TUBGCP5: variants seen among roughly 807,000 people sequenced by gnomAD.
TUBGCP5 encodes the protein tubulin gamma complex component 5.
Under a neutral mutation model 134.7 loss-of-function variants are expected in TUBGCP5, and 98 were observed. The observed-to-expected ratio is 0.73, with a 90% confidence interval of 0.62 to 0.86. The LOEUF (loss-of-function observed/expected upper bound fraction) is 0.86, where lower values mean the gene tolerates loss of function less well. Among genes scored for constraint, TUBGCP5 ranks in the 40% least tolerant of loss-of-function variants. TUBGCP5 has a pLI of 0.00. For synonymous variants in TUBGCP5, 456 were observed against 431.4 expected (o/e 1.06, Z -0.71); for missense variants, 1,150 against 1,244.8 (o/e 0.92, Z 1.15).
intron 3 of TUBGCP5, among the ~76,000 whole-genome samples, chr15:23,035,341 A>AAAAAAAG (rs1595912303): frequency 6.7e-6 from 1 of 150,144 alleles, no homozygotes; most frequent in African/African-American, 2.5e-5. Flanking sequence ...AAAAAAAAAA[A>AAAAAAAG]GAAAAAAAGT....
At position 23,027,195 on chromosome 15, in the gene TUBGCP5, A is replaced by G; in HGVS notation, c.734T>C (p.Val245Ala). 6.2e-7 allele frequency: 1 copy of G among 1,609,436 alleles called. No homozygotes were observed. Among genetic ancestry groups the G allele is most frequent in the Non-Finnish European group, 8.5e-7 (1 of 1,176,796 alleles). ...AATGAAAACTTTAGCTTCTTACCAG[A>G]CAGCAGCTAAATTAGAGTGCAAATG... ...SLHLHSNLAA[V>A]WDQHLYSSDP... Residue 245 changes from valine to alanine, a missense_variant, in exon 7 of 23, where the codon GTC (valine) becomes GCC (alanine). This residue lies in a region of TUBGCP5 where 453 missense variants were observed against 394.7 expected (regional missense o/e 1.15). Transcript: ENST00000615383.
rs181936207 is a variant in TUBGCP5, at chr15:23,012,875, T to C, written c.1757-1544A>G. ...TAATCCCAGCACTTTAAGAGGCGGG[T>C]GGATCAGCTGAGGTCAGGAGTTCAA... On this transcript the variant is annotated intron_variant, in intron 13 of 22. Transcript: ENST00000615383. 6.3e-3 allele frequency among the ~76,000 whole-genome samples: 962 copies of C among 151,582 alleles called. 5 individuals carry two copies. The highest frequency in any genetic ancestry group is 0.02 in the Middle Eastern group (6 of 294).
At chr15:23,029,892 G>A (rs1055637726) in intron 6 of TUBGCP5, among the ~76,000 whole-genome samples, 1 of 149,248 alleles carries the variant, frequency 6.7e-6, no homozygotes, top group Admixed American at 6.7e-5. Flanking sequence ...AAAAAAGGGG[G>A]TGGGGGGGAA....
chr15:23,024,887 C>G, intron 8 of TUBGCP5, 57 bp from the exon 9 acceptor site: 1 of 1,040,268 alleles, frequency 9.6e-7, no homozygotes, highest in Non-Finnish European at 1.5e-6. Flanking sequence ...ATATTCATGA[C>G]AGTATGCCCA....
chr15:23,009,999 T>C lies in TUBGCP5; in HGVS notation c.2090A>G (p.Lys697Arg). The C allele has an allele frequency of 6.2e-7, 1 of 1,614,148 alleles. No homozygotes were observed. Among genetic ancestry groups the C allele is most frequent in the Non-Finnish European group, 8.5e-7 (1 of 1,180,008 alleles). ...LRSCLYPHIDKQYLDCCGNLM... is the reference protein window; with the variant it reads ...LRSCLYPHIDRQYLDCCGNLM... ...ATTTCCACAGCAATCTAGATACTGCTTGTCAATATGAGGATAGAGGCAGGA... is the reference window on the plus strand; with the variant it reads ...ATTTCCACAGCAATCTAGATACTGCCTGTCAATATGAGGATAGAGGCAGGA... The change falls in exon 15 of 23, where the codon AAG becomes AGG. Residue 697 changes from lysine (K) to arginine (R), a missense_variant. Transcript: ENST00000615383.
chr15:23,021,305 T>C (rs556007830), intron 11 of TUBGCP5, among the ~76,000 whole-genome samples: 4 of 152,146 alleles, frequency 2.6e-5, no homozygotes, highest in South Asian at 2.1e-4. Flanking sequence ...ATATAAAATA[T>C]ATAACATAAA....
intron 16 of TUBGCP5, among the ~76,000 whole-genome samples, chr15:23,006,911 C>T (rs112185825): frequency 0.046 from 6,985 of 152,208 alleles, 426 homozygotes; most frequent in African/African-American, 0.14. Flanking sequence ...ATTATGTGTC[C>T]TTAGCTCATT....
chr15:22,990,821 A>T (rs546652442), intron 23 of TUBGCP5, among the ~76,000 whole-genome samples: 44 of 152,316 alleles, frequency 2.9e-4, no homozygotes, highest in Admixed American at 4.6e-4. Flanking sequence ...TGTGCTTACA[A>T]GAGACACGCA....
intron 23 of TUBGCP5, among the ~76,000 whole-genome samples, chr15:22,992,806 A>G (rs2063891783): frequency 6.6e-6 from 1 of 152,156 alleles, no homozygotes; most frequent in Admixed American, 6.5e-5. Flanking sequence ...CTGACGTTAC[A>G]TGGATAGGAC....
intron 16 of TUBGCP5, among the ~76,000 whole-genome samples, chr15:23,007,439 C>T (rs1051227438): frequency 3.3e-5 from 5 of 152,160 alleles, no homozygotes; most frequent in Non-Finnish European, 7.3e-5. Context: ...TGCATTCACT[C>T]AGTGCTTAGT....
rs746301600 is a variant in TUBGCP5 at position 23,031,027 on chromosome 15, TAA to T, written c.487-9_487-8del. On this transcript the variant is annotated splice_region_variant and splice_polypyrimidine_tract_variant and intron_variant, in intron 5 of 22. Transcript: ENST00000615383. ...CACTTTCTTCAGACCAATTCTGATT[TAA>T]AAAAGAGATACACTTTAGCTTTACA... 6.2e-6 allele frequency: 10 copies of T among 1,604,628 alleles called. No individual in the cohort carries two copies. The highest frequency in any genetic ancestry group is 1.7e-4 in the Middle Eastern group (1 of 5,990).
intron 18 of TUBGCP5, chr15:23,005,850 T>G: frequency 1.5e-6 from 1 of 674,252 alleles, no homozygotes; most frequent in South Asian, 2.2e-5. Flanking sequence ...TTCCTGATCT[T>G]TCTTTCAGGC....
chr15:23,003,037 G>A (rs746500094), intron 21 of TUBGCP5, 28 bp downstream of exon 21: 34 of 1,609,374 alleles, frequency 2.1e-5, no homozygotes, highest in Non-Finnish European at 2.8e-5. Flanking sequence ...TGGTCACAGT[G>A]CAGATGCTGC....
At chr15:22,986,773 C>T (rs1015037300) in intron 23 of TUBGCP5, among the ~76,000 whole-genome samples, 8 of 151,346 alleles carry the variant, frequency 5.3e-5, no homozygotes, top group South Asian at 2.1e-4. Context: ...AGTCAGAAAT[C>T]GTTAAATCGT....
intron 22 of TUBGCP5, chr15:23,000,256 A>G (rs940944587): frequency 7.3e-6 from 9 of 1,235,666 alleles, no homozygotes; most frequent in Non-Finnish European, 9.1e-6. Flanking sequence ...GATTTTGAAA[A>G]GAAATAGTTA....
At chr15:23,003,014 G>T (rs762224133) in intron 21 of TUBGCP5, 51 bp downstream of exon 21, 1 of 1,580,592 alleles carries the variant, frequency 6.3e-7, no homozygotes, top group East Asian at 2.2e-5. Flanking sequence ...AAAAAGGGAA[G>T]CTGAAGCTGA....
In TUBGCP5 at chr15:23,017,869, G is replaced by A; in HGVS notation, c.1660C>T (p.Pro554Ser). ...GCCATTATGATCTGCTTCAGGACAGGTTTGAGGAAGGACACCATGGTGTGC... is the reference window on the plus strand; with the variant it reads ...GCCATTATGATCTGCTTCAGGACAGATTTGAGGAAGGACACCATGGTGTGC... The part of the protein sequence containing the change: ...RQHTMVSFLK[P>S]VLKQIIMAGK... Residue 554 changes from proline (P) to serine (S), a missense_variant, in exon 13 of 23, where the codon CCT becomes TCT. This residue lies in a region of TUBGCP5 where 697 missense variants were observed against 850.1 expected (regional missense o/e 0.82). Coordinates refer to ENST00000615383, the MANE Select transcript of TUBGCP5 (RefSeq NM_052903.6). The A allele has an allele frequency of 6.2e-7, 1 of 1,614,118 alleles. No homozygotes were observed.
intron 23 of TUBGCP5, among the ~76,000 whole-genome samples, chr15:22,987,369 C>T (rs986707154): frequency 6.6e-5 from 10 of 151,698 alleles, no homozygotes; most frequent in Non-Finnish European, 1.5e-4. Flanking sequence ...AAGTTACTGT[C>T]CTGTTTTTAG....
At chr15:23,014,623 C>T (rs1032364436) in intron 13 of TUBGCP5, among the ~76,000 whole-genome samples, 1 of 152,210 alleles carries the variant, frequency 6.6e-6, no homozygotes, top group Non-Finnish European at 1.5e-5. Flanking sequence ...GGACGGCCAA[C>T]AAGCCATGTG....
Sources: gnomAD v4.1 joint callset for allele counts (sites outside exome capture counted in the v4.1 genomes callset) on GRCh38, gnomAD v4.1.1 for gene constraint, gnomAD v4.1.1 regional missense constraint, MANE v1.5 for transcripts, NCBI Gene and HGNC (gene_info 2026-07-23, HGNC 2026-07-21) for gene names.